The following ADGRG7 variants were observed in gnomAD, a reference collection of about 807,000 sequenced individuals.
ADGRG7 encodes the protein adhesion G protein-coupled receptor G7.
A neutral mutation model predicts 88.6 loss-of-function variants in ADGRG7; 82 were observed. That is an observed-to-expected ratio of 0.93 (90% CI 0.77 to 1.11). The LOEUF (loss-of-function observed/expected upper bound fraction) is 1.11. Ranked by LOEUF, ADGRG7 falls within the 50% of genes most tolerant of loss-of-function variation. The pLI is 0.00. For synonymous variants in ADGRG7, 381 were observed against 345.2 expected (o/e 1.10, Z -1.15); for missense variants, 945 against 953.4 (o/e 0.99, Z 0.12).
In ADGRG7 at chr3:100,637,820, C is replaced by T. The variant is rs1474689321; in HGVS notation, c.698+418C>T. On this transcript the variant is annotated intron_variant, in intron 6 of 15. Transcript: ENST00000273352. ...GCACCTCACTTCTCTCTTTCCAAGG[C>T]CCTGGTATATTTTGATTATTTTCCT... Among the ~76,000 whole-genome samples, 4 of 152,208 alleles carry T rather than the reference C, an allele frequency of 2.6e-5. No individual in the cohort carries two copies. The East Asian group carries it at 7.7e-4, about 29-fold the overall frequency.
chr3:100,627,488 G>A (rs1024511647), intron 1 of ADGRG7, among the ~76,000 whole-genome samples: 3 of 151,890 alleles, frequency 2.0e-5, no homozygotes, highest in African/African-American at 7.3e-5. Context: ...GATTTTTTTG[G>A]CATCTGTGTA....
rs1282179457 is a variant in ADGRG7 at position 100,619,779 on chromosome 3, C to T, written c.115+9808C>T. The stretch of plus-strand genomic sequence containing the variant: ...CTACCATCAGAGAATACTATAAACA[C>T]CTCTACGCAAATAAACTAGAAAATC... On this transcript the variant is annotated intron_variant, in intron 1 of 15. Transcript: ENST00000273352. Among the ~76,000 whole-genome samples, 3 of 152,120 alleles carry T rather than the reference C, an allele frequency of 2.0e-5. 1 individual carries two copies. Among genetic ancestry groups the T allele is most frequent in the Admixed American group, 1.3e-4 (2 of 15,278 alleles).
rs192084894 is a variant in ADGRG7, at chr3:100,640,971, G to T, written c.699-2295G>T. Among the ~76,000 whole-genome samples, 8 of 152,176 alleles carry T rather than the reference G, an allele frequency of 5.3e-5. No homozygotes were observed. In the East Asian group the frequency reaches 1.5e-3, roughly 29 times the overall value. The stretch of plus-strand genomic sequence containing the variant: ...CTGACCACCTGTACATTTACATTTC[G>T]CTTTTCTTTTTTTATTTCTGTTCCA... On this transcript the variant is annotated intron_variant, in intron 6 of 15. Transcript: ENST00000273352.
chr3:100,620,294 C>T (rs765716686), intron 1 of ADGRG7, among the ~76,000 whole-genome samples: 2 of 152,170 alleles, frequency 1.3e-5, no homozygotes, highest in Non-Finnish European at 2.9e-5. Flanking sequence ...ATAAACAGAA[C>T]CAATGACAAA....
Position 100,646,098 on chromosome 3 carries a change from T to C in ADGRG7, c.1100T>C (p.Phe367Ser), listed in dbSNP as rs1273165900. Residue 367 changes from phenylalanine (F) to serine (S), a missense_variant, in exon 9 of 16, where the codon TTT becomes TCT. Transcript: ENST00000273352. ...CAGAGTGCTTCTGTTGACATGGTCT[T>C]TAGTCCAAAGGTGAGTTTTTCATTG... The part of the protein sequence containing the change: ...QDQSASVDMV[F>S]SPKYNQKEFQ... 1 of 1,613,214 alleles carries C rather than the reference T, an allele frequency of 6.2e-7. No individual in the cohort carries two copies. The highest frequency in any genetic ancestry group is 1.3e-5 in the African/African-American group (1 of 74,798).
chr3:100,640,404 G>A (rs1295536514), intron 6 of ADGRG7, among the ~76,000 whole-genome samples: 1 of 152,200 alleles, frequency 6.6e-6, no homozygotes, highest in African/African-American at 2.4e-5. Flanking sequence ...AGGGAGGAGA[G>A]TGACAGAGAA....
At chr3:100,664,526 A>G (rs2094949464) in intron 14 of ADGRG7, among the ~76,000 whole-genome samples, 1 of 152,152 alleles carries the variant, frequency 6.6e-6, no homozygotes, top group African/African-American at 2.4e-5. Context: ...CAGAAAACCA[A>G]ACAAGATGCA....
intron 14 of ADGRG7, among the ~76,000 whole-genome samples, chr3:100,662,341 A>G (rs1469107179): frequency 6.6e-6 from 1 of 152,148 alleles, no homozygotes; most frequent in East Asian, 1.9e-4. Flanking sequence ...TAATGACAGT[A>G]AAAAAATTTA....
chr3:100,628,053 G>T (rs922694467), intron 1 of ADGRG7, among the ~76,000 whole-genome samples: 1 of 151,630 alleles, frequency 6.6e-6, no homozygotes, highest in Non-Finnish European at 1.5e-5. Flanking sequence ...CTTTTATTCT[G>T]GGATATCTAC....
chr3:100,654,585 C>T (rs972753378), intron 11 of ADGRG7: 1 of 335,260 alleles, frequency 3.0e-6, no homozygotes, highest in Non-Finnish European at 5.4e-6. Flanking sequence ...CACTTTTGAT[C>T]AGAACACAGT....
At chr3:100,658,325 G>A (rs1344172820) in intron 13 of ADGRG7, among the ~76,000 whole-genome samples, 1 of 152,102 alleles carries the variant, frequency 6.6e-6, no homozygotes, top group Admixed American at 6.6e-5. Flanking sequence ...TGGTGCAAAA[G>A]TAATTGCAGT....
intron 1 of ADGRG7, among the ~76,000 whole-genome samples, chr3:100,618,153 C>G (rs1227979597): frequency 6.6e-6 from 1 of 152,040 alleles, no homozygotes; most frequent in African/African-American, 2.4e-5. Flanking sequence ...AAATTTTCTC[C>G]CATTCTGTAG....
At chr3:100,617,824 T>C (rs1317447777) in intron 1 of ADGRG7, among the ~76,000 whole-genome samples, 13 of 151,930 alleles carry the variant, frequency 8.6e-5, no homozygotes, top group East Asian at 3.9e-4. Context: ...AGTTTACAGT[T>C]CCACCAACAG....
chr3:100,648,844 C>T (rs1176353628), intron 10 of ADGRG7, among the ~76,000 whole-genome samples: 1 of 152,056 alleles, frequency 6.6e-6, no homozygotes, highest in African/African-American at 2.4e-5. Context: ...ACATATCCAA[C>T]CCACCCTGTG....
chr3:100,664,423 G>A (rs2094949343), intron 14 of ADGRG7, among the ~76,000 whole-genome samples: 2 of 152,082 alleles, frequency 1.3e-5, no homozygotes, highest in Admixed American at 1.3e-4. Flanking sequence ...AAGGAGAAAA[G>A]CTAACGGTCA....
chr3:100,622,832 G>A (rs1369110297), intron 1 of ADGRG7, among the ~76,000 whole-genome samples: 2 of 151,858 alleles, frequency 1.3e-5, no homozygotes. Flanking sequence ...CATGATCTTG[G>A]CTCACTGCAA....
chr3:100,655,258 T>A, intron 12 of ADGRG7, 77 bp downstream of exon 12: 1 of 1,045,206 alleles, frequency 9.6e-7, no homozygotes, highest in Non-Finnish European at 1.4e-6. Context: ...ATTGAAGGCC[T>A]AATAGTCCAA....
At position 100,655,190 on chromosome 3, in the gene ADGRG7, T is replaced by A. The variant is rs1304310203; in HGVS notation, c.1726+9T>A. The stretch of plus-strand genomic sequence containing the variant: ...CTCATTAATTGGATGGGGTAAGTGT[T>A]TGCATCTCCCCTTTCTCAGGAATTT... On this transcript the variant is annotated intron_variant, in intron 12 of 15. Coordinates refer to ENST00000273352, the MANE Select transcript of ADGRG7 (RefSeq NM_032787.3). The A allele has an allele frequency of 1.3e-6, 2 of 1,551,464 alleles. No individual in the cohort carries two copies. The highest frequency in any genetic ancestry group is 1.8e-6 in the Non-Finnish European group (2 of 1,134,502).
At chr3:100,617,691 T>G (rs965919430) in intron 1 of ADGRG7, among the ~76,000 whole-genome samples, 2 of 152,160 alleles carry the variant, frequency 1.3e-5, no homozygotes, top group Non-Finnish European at 2.9e-5. Context: ...GCATGTGTCT[T>G]TATAGCAGTA....
Sources: gnomAD v4.1 joint callset for allele counts (sites outside exome capture counted in the v4.1 genomes callset) on GRCh38, gnomAD v4.1.1 for gene constraint, MANE v1.5 for transcripts, NCBI Gene and HGNC (gene_info 2026-07-23, HGNC 2026-07-21) for gene names.